The following MTUS1 variants were observed in gnomAD, a reference collection of about 807,000 sequenced individuals.
MTUS1 encodes the protein microtubule associated scaffold protein 1, also known as microtubule-associated tumor suppressor 1.
Under a neutral mutation model 120.8 loss-of-function variants are expected in MTUS1, and 109 were observed. The observed-to-expected ratio is 0.90, with a 90% CI of 0.77 to 1.06. The LOEUF is 1.06. MTUS1 is among the 50% of genes least tolerant of loss of function. MTUS1 has a pLI of 0.00. For missense variants in MTUS1, 2,210 were observed against 1,486.3 expected (o/e 1.49, Z -8.01); for synonymous variants, 737 against 550.5 (o/e 1.34, Z -4.74).
intron 1 of MTUS1, among the ~76,000 whole-genome samples, chr8:17,756,679 C>CCCCCCCCCCCTCA (rs58787907): frequency 8.1e-6 from 1 of 123,454 alleles, no homozygotes; most frequent in Non-Finnish European, 1.7e-5. Flanking sequence ...AAACCCCCAC[C>CCCCCCCCCCCTCA]CCTTATGTAA....
At chr8:17,758,568 T>A (rs1209810016) in intron 1 of MTUS1, among the ~76,000 whole-genome samples, 3 of 152,208 alleles carry the variant, frequency 2.0e-5, no homozygotes, top group African/African-American at 7.2e-5. Context: ...AAGCTAAATG[T>A]TTAAATCAAG....
chr8:17,652,534 TTTTGG>T, intron 12 of MTUS1, among the ~76,000 whole-genome samples: 15 of 151,940 alleles, frequency 9.9e-5, no homozygotes, highest in African/African-American at 3.4e-4. Context: ...CCAGGGTTCC[TTTTGG>T]GGGTGATAAA....
chr8:17,683,132 C>T (rs1814955509), intron 7 of MTUS1, among the ~76,000 whole-genome samples: 1 of 152,004 alleles, frequency 6.6e-6, no homozygotes, highest in East Asian at 1.9e-4. Context: ...ACTAGCCGGG[C>T]GTGGTGGCGG....
At chr8:17,742,827 G>A (rs929292037) in intron 3 of MTUS1, among the ~76,000 whole-genome samples, 2 of 152,178 alleles carry the variant, frequency 1.3e-5, no homozygotes, top group Admixed American at 6.5e-5. Context: ...TCTCACGTGT[G>A]TGGACACATA....
chr8:17,736,107 T>G (rs1372974927), intron 3 of MTUS1, among the ~76,000 whole-genome samples: 1 of 152,212 alleles, frequency 6.6e-6, no homozygotes, highest in Non-Finnish European at 1.5e-5. Flanking sequence ...CTCTAAGCAC[T>G]TCTTGAATGA....
At chr8:17,716,975 A>G (rs1479186716) in intron 4 of MTUS1, among the ~76,000 whole-genome samples, 1 of 152,230 alleles carries the variant, frequency 6.6e-6, no homozygotes, top group African/African-American at 2.4e-5. Flanking sequence ...CTCACTTAGC[A>G]AAGGGTTAAG....
At chr8:17,667,091 T>G (rs1225712886) in intron 8 of MTUS1, among the ~76,000 whole-genome samples, 3 of 152,152 alleles carry the variant, frequency 2.0e-5, no homozygotes, top group African/African-American at 7.2e-5. Context: ...GAACAGTCAG[T>G]GGGTTTCAAA....
intron 8 of MTUS1, among the ~76,000 whole-genome samples, chr8:17,658,034 C>CACACAA (rs982006506): frequency 7.0e-6 from 1 of 143,482 alleles, no homozygotes; most frequent in Non-Finnish European, 1.5e-5. Context: ...GACACACACA[C>CACACAA]ACACACACAC....
At chr8:17,800,788 G>A (rs1029755755) in intron 1 of MTUS1, 1 of 152,288 alleles carries the variant, frequency 6.6e-6, no homozygotes, top group African/African-American at 2.4e-5. Context: ...GGCGGCGTAA[G>A]GAGTCCACAG....
At chr8:17,669,914 C>G (rs368802613) in intron 8 of MTUS1, among the ~76,000 whole-genome samples, 1 of 152,168 alleles carries the variant, frequency 6.6e-6, no homozygotes, top group Non-Finnish European at 1.5e-5. Flanking sequence ...AGATCCTGGC[C>G]GCAAGTGGAG....
At chr8:17,680,070 G>C (rs1294667931) in intron 7 of MTUS1, among the ~76,000 whole-genome samples, 4 of 152,190 alleles carry the variant, frequency 2.6e-5, no homozygotes, top group Middle Eastern at 3.4e-3. Context: ...CATTAAACCG[G>C]TATCTCTAAT....
Position 17,743,700 on chromosome 8 carries a change from G to A in MTUS1, c.2191C>T (p.Pro731Ser), listed in dbSNP as rs1447852320. 1 of 1,614,184 alleles carries A rather than the reference G, an allele frequency of 6.2e-7. No homozygotes were observed. The highest frequency in any genetic ancestry group is 8.5e-7 in the Non-Finnish European group (1 of 1,180,022). Residue 731 changes from proline (P) to serine (S), a missense_variant, in exon 3 of 15, where the codon CCC becomes TCC. Coordinates refer to ENST00000693296, the MANE Select transcript of MTUS1 (RefSeq NM_001363059.2). ...QIAAPKAKVG[P>S]PVSCLRRNSD... The stretch of plus-strand genomic sequence containing the variant: ...TTCCGCCTCAAACAGGAAACAGGGG[G>A]CCCCACTTTGGCTTTTGGAGCAGCT...
At chr8:17,763,028 A>G (rs6994892) in intron 1 of MTUS1, among the ~76,000 whole-genome samples, 147,624 of 151,338 alleles carry the variant, frequency 0.98, 72,109 homozygotes, top group East Asian at 1. Flanking sequence ...GTCTTGCTCT[A>G]TCCCCCAGGC....
chr8:17,657,799 C>CAAAA (rs1216051789), intron 8 of MTUS1, among the ~76,000 whole-genome samples: 3 of 91,248 alleles, frequency 3.3e-5, no homozygotes, highest in South Asian at 7.5e-4. Flanking sequence ...GACCCTATCT[C>CAAAA]AAAAAAAAAA....
chr8:17,767,323 C>A (rs905646218), intron 1 of MTUS1, among the ~76,000 whole-genome samples: 2 of 151,202 alleles, frequency 1.3e-5, no homozygotes, highest in East Asian at 1.9e-4. Flanking sequence ...GAATTTGGGG[C>A]CAATTTTGAT....
At chr8:17,746,458 G>C (rs555778161) in intron 2 of MTUS1, among the ~76,000 whole-genome samples, 5 of 152,280 alleles carry the variant, frequency 3.3e-5, no homozygotes, top group African/African-American at 1.2e-4. Context: ...GGCTAGGGAG[G>C]CTTCACAATC....
chr8:17,694,619 G>A (rs922576714), intron 6 of MTUS1, among the ~76,000 whole-genome samples: 1 of 152,048 alleles, frequency 6.6e-6, no homozygotes, highest in Admixed American at 6.6e-5. Flanking sequence ...AGTGGGCCCA[G>A]ACAGCACCAG....
At chr8:17,759,322 G>C (rs1037008949) in intron 1 of MTUS1, among the ~76,000 whole-genome samples, 1 of 150,060 alleles carries the variant, frequency 6.7e-6, no homozygotes, top group Non-Finnish European at 1.5e-5. Context: ...GCAGTGCAGT[G>C]ATGTGATTAC....
At chr8:17,660,111 G>A (rs1321925826) in intron 8 of MTUS1, among the ~76,000 whole-genome samples, 2 of 152,096 alleles carry the variant, frequency 1.3e-5, no homozygotes, top group African/African-American at 2.4e-5. Flanking sequence ...AGTGGCTCAC[G>A]CCTGTAATCC....
Sources: allele counts gnomAD v4.1 joint callset (sites outside exome capture counted in the v4.1 genomes callset), GRCh38; gene constraint gnomAD v4.1.1; transcripts MANE v1.5; gene names NCBI Gene and HGNC (gene_info 2026-07-23, HGNC 2026-07-21).